Variants in FAM81A observed in about 807,000 individuals in gnomAD.
FAM81A encodes the protein protein FAM81A.
FAM81A carries 19 observed loss-of-function variants against 46.7 expected under a neutral mutation model. That is an observed-to-expected ratio of 0.41 (90% CI 0.28 to 0.60). FAM81A has a LOEUF of 0.60. Ranked by LOEUF, FAM81A falls within the 20% of genes least tolerant of loss-of-function variation. FAM81A has a pLI of 0.34. For synonymous variants in FAM81A, 183 were observed against 152.9 expected (o/e 1.20, Z -1.45); for missense variants, 377 against 453.5 (o/e 0.83, Z 1.53).
At chr15:59,480,496 A>G (rs1192578618) in intron 3 of FAM81A, among the ~76,000 whole-genome samples, 1 of 152,164 alleles carries the variant, frequency 6.6e-6, no homozygotes, top group Non-Finnish European at 1.5e-5. Context: ...TTTTTTAAAG[A>G]TAGGCCGTAT....
At chr15:59,507,451 G>A in intron 5 of FAM81A, 109 bp downstream of exon 5, 1 of 1,367,310 alleles carries the variant, frequency 7.3e-7, no homozygotes, top group Non-Finnish European at 9.9e-7. Context: ...CATCTAGCAT[G>A]GGTTTATGCC....
intron 2 of FAM81A, among the ~76,000 whole-genome samples, chr15:59,416,681 C>T (rs909036823): frequency 2.0e-5 from 3 of 152,116 alleles, no homozygotes; most frequent in Non-Finnish European, 2.9e-5. Context: ...CCCACACATA[C>T]GACAAAGATA....
At chr15:59,398,994 C>A (rs1478347820) in intron 1 of FAM81A, among the ~76,000 whole-genome samples, 4 of 152,010 alleles carry the variant, frequency 2.6e-5, no homozygotes, top group South Asian at 2.1e-4. Context: ...ATGGTGAAAC[C>A]CCGTCTCTAC....
At chr15:59,454,973 G>A (rs141820487) in intron 1 of FAM81A, among the ~76,000 whole-genome samples, 1 of 150,486 alleles carries the variant, frequency 6.6e-6, no homozygotes, top group East Asian at 2.0e-4. Context: ...ATGGGGTTTT[G>A]CCATGTTGCC....
upstream of FAM81A, among the ~76,000 whole-genome samples, chr15:59,435,523 G>T (rs527266654): frequency 7.9e-5 from 12 of 152,080 alleles, no homozygotes; most frequent in Non-Finnish European, 1.8e-4. Flanking sequence ...GGGAAGCTGA[G>T]ACAGGAGAAT....
At chr15:59,518,296 C>T (rs1181451776) in intron 8 of FAM81A, among the ~76,000 whole-genome samples, 2 of 151,668 alleles carry the variant, frequency 1.3e-5, no homozygotes, top group Non-Finnish European at 2.9e-5. Context: ...CCTTTTTACC[C>T]CTTTATTATT....
chr15:59,467,301 A>G (rs2081626515), intron 3 of FAM81A, among the ~76,000 whole-genome samples: 1 of 152,150 alleles, frequency 6.6e-6, no homozygotes, highest in Non-Finnish European at 1.5e-5. Flanking sequence ...TTTGAGCAGT[A>G]TGGCCATTTT....
At chr15:59,457,919 A>C (rs375149121) in intron 1 of FAM81A, among the ~76,000 whole-genome samples, 3 of 152,204 alleles carry the variant, frequency 2.0e-5, no homozygotes, top group African/African-American at 7.2e-5. Flanking sequence ...TCACATTTCT[A>C]ATGAGTTGTG....
chr15:59,501,468 C>T (rs1555433463), intron 4 of FAM81A, among the ~76,000 whole-genome samples: 1 of 151,764 alleles, frequency 6.6e-6, no homozygotes, highest in Non-Finnish European at 1.5e-5. Context: ...CTTAATGATA[C>T]ATATATATAT....
At chr15:59,476,307 C>A (rs140538030) in intron 3 of FAM81A, among the ~76,000 whole-genome samples, 148 of 151,814 alleles carry the variant, frequency 9.7e-4, no homozygotes, top group African/African-American at 3.5e-3. Context: ...ACTGCAGCCT[C>A]AACCTCCTGG....
intron 3 of FAM81A, among the ~76,000 whole-genome samples, chr15:59,474,180 T>A (rs2081736293): frequency 6.6e-6 from 1 of 152,166 alleles, no homozygotes. Flanking sequence ...TACAAGCCTC[T>A]CAAAAAGAGA....
intron 4 of FAM81A, among the ~76,000 whole-genome samples, chr15:59,502,392 C>A (rs2082101883): frequency 6.6e-6 from 1 of 151,570 alleles, no homozygotes; most frequent in East Asian, 1.9e-4. Flanking sequence ...CATGTGTTCT[C>A]ATTGTTCAAT....
intron 2 of FAM81A, among the ~76,000 whole-genome samples, chr15:59,406,096 C>T (rs2081093855): frequency 6.6e-6 from 1 of 152,178 alleles, no homozygotes; most frequent in Non-Finnish European, 1.5e-5. Context: ...CCACTGGGCA[C>T]AGGGGAATGG....
intron 8 of FAM81A, among the ~76,000 whole-genome samples, chr15:59,517,420 G>T (rs76411296): frequency 0.088 from 13,353 of 152,242 alleles, 772 homozygotes; most frequent in Non-Finnish European, 0.13. Context: ...AACTCAATAT[G>T]AGGCAGAAGT....
chr15:59,514,498 T>C, intron 7 of FAM81A, 74 bp downstream of exon 7: 1 of 1,485,188 alleles, frequency 6.7e-7, no homozygotes, highest in Non-Finnish European at 9.0e-7. Context: ...TAATAATACC[T>C]AGTAATTTAT....
At chr15:59,518,577 T>G (rs1196732913) in intron 8 of FAM81A, among the ~76,000 whole-genome samples, 1 of 152,144 alleles carries the variant, frequency 6.6e-6, no homozygotes, top group Non-Finnish European at 1.5e-5. Context: ...CCTCTTGCCT[T>G]GACCTGCCAA....
upstream of FAM81A, among the ~76,000 whole-genome samples, chr15:59,435,353 T>A (rs539172212): frequency 1.3e-4 from 19 of 151,716 alleles, no homozygotes; most frequent in African/African-American, 4.4e-4. Context: ...GGTGCAGTGG[T>A]TCACACCTGT....
intron 2 of FAM81A, among the ~76,000 whole-genome samples, chr15:59,412,007 A>G (rs1288962259): frequency 1.3e-5 from 2 of 151,152 alleles, no homozygotes; most frequent in African/African-American, 4.9e-5. Context: ...AAAAAAAAAA[A>G]CGGGGGATGA....
At chr15:59,414,217 G>T (rs1288250704) in intron 2 of FAM81A, among the ~76,000 whole-genome samples, 1 of 152,128 alleles carries the variant, frequency 6.6e-6, no homozygotes, top group African/African-American at 2.4e-5. Context: ...GCCTCCTAAA[G>T]TGCTGGGATT....
Sources: gnomAD v4.1 joint callset for allele counts (sites outside exome capture counted in the v4.1 genomes callset) on GRCh38, gnomAD v4.1.1 for gene constraint, MANE v1.5 for transcripts, NCBI Gene and HGNC (gene_info 2026-07-23, HGNC 2026-07-21) for gene names.